SGCD: variants seen among roughly 807,000 people sequenced by gnomAD.
SGCD encodes sarcoglycan delta.
A neutral mutation model predicts 36.6 loss-of-function variants in SGCD; 18 were observed. That is an observed-to-expected ratio of 0.49 (90% CI 0.34 to 0.73). SGCD has a LOEUF of 0.73. Among genes scored for constraint, SGCD ranks in the 30% least tolerant of loss-of-function variants. The pLI, the probability that SGCD is intolerant of heterozygous loss-of-function variation, is 0.01. For missense variants in SGCD, 387 were observed against 346.7 expected, an observed-to-expected ratio of 1.12 and a Z score of -0.92; for synonymous variants, 133 against 130.6, an observed-to-expected ratio of 1.02 and a Z score of -0.12.
At chr5:156,206,259 T>C (rs1409188788) in intron 3 of SGCD, among the ~76,000 whole-genome samples, 9 of 151,928 alleles carry the variant, frequency 5.9e-5, no homozygotes. Context: ...GTTCAACCAG[T>C]CTTCTGTGGC....
intron 1 of SGCD, among the ~76,000 whole-genome samples, chr5:155,875,153 A>G (rs543886195): frequency 6.6e-6 from 1 of 152,222 alleles, no homozygotes; most frequent in Non-Finnish European, 1.5e-5. Context: ...ACCAGACAAA[A>G]AGTAAATACG....
rs72801154 is a variant in SGCD at position 156,588,637 on chromosome 5, A to G, written c.295-594A>G. ...GATACAGGCACAGACGGCCTAGAGG[A>G]AAAGGAATCTGGAGACAAGAAAAGG... On this transcript the variant is annotated intron_variant, in intron 4 of 8. Transcript: ENST00000337851. 9.7e-3 allele frequency among the ~76,000 whole-genome samples: 1,485 copies of G among 152,310 alleles called. 16 individuals are homozygous for G. The highest frequency in any genetic ancestry group is 0.017 in the Non-Finnish European group (1,167 of 68,030).
intron 3 of SGCD, among the ~76,000 whole-genome samples, chr5:156,418,236 A>G (rs1158133078): frequency 6.6e-6 from 1 of 152,208 alleles, no homozygotes; most frequent in Non-Finnish European, 1.5e-5. Context: ...GGAAGAGTTT[A>G]TGAGTTCCAA....
intron 2 of SGCD, among the ~76,000 whole-genome samples, chr5:156,342,805 T>A (rs1280703955): frequency 6.6e-6 from 1 of 152,224 alleles, no homozygotes; most frequent in Non-Finnish European, 1.5e-5. Context: ...AACCTTTACA[T>A]ACCCCCAGAC....
At chr5:156,211,118 A>G (rs1326228250) in intron 3 of SGCD, among the ~76,000 whole-genome samples, 2 of 152,174 alleles carry the variant, frequency 1.3e-5, no homozygotes, top group African/African-American at 4.8e-5. Flanking sequence ...TCTCAGCAGA[A>G]ATCTTACAGG....
intron 3 of SGCD, among the ~76,000 whole-genome samples, chr5:156,468,958 C>T (rs796620236): frequency 1.6e-4 from 25 of 152,292 alleles, no homozygotes; most frequent in African/African-American, 6.0e-4. Context: ...CGCCACTGCA[C>T]TCCAGCCTGG....
intron 1 of SGCD, among the ~76,000 whole-genome samples, chr5:155,893,145 G>A (rs925975133): frequency 5.9e-5 from 9 of 152,112 alleles, no homozygotes; most frequent in African/African-American, 7.2e-5. Flanking sequence ...CAAAGACACC[G>A]TAAATGTTTG....
At chr5:156,363,953 C>T (rs1186777052) in intron 3 of SGCD, among the ~76,000 whole-genome samples, 1 of 152,150 alleles carries the variant, frequency 6.6e-6, no homozygotes, top group Non-Finnish European at 1.5e-5. Flanking sequence ...ATGCCCAGGT[C>T]TGGACGAATA....
chr5:156,194,459 TA>T (rs1763972370), intron 3 of SGCD, among the ~76,000 whole-genome samples: 1 of 152,150 alleles, frequency 6.6e-6, no homozygotes, highest in Non-Finnish European at 1.5e-5. Context: ...CTACTTTTAT[TA>T]TTGTTGAGAA....
chr5:156,059,064 T>C (rs1266172673), intron 1 of SGCD, among the ~76,000 whole-genome samples: 1 of 145,644 alleles, frequency 6.9e-6, no homozygotes, highest in South Asian at 2.2e-4. Context: ...TTGTGCTTCC[T>C]CATAATTTTC....
At chr5:156,685,098 T>C (rs187047063) in intron 7 of SGCD, among the ~76,000 whole-genome samples, 2 of 152,264 alleles carry the variant, frequency 1.3e-5, no homozygotes, top group Admixed American at 1.3e-4. Flanking sequence ...GGGGTAGTTG[T>C]CATTCACCTT....
At chr5:156,030,023 A>G (rs1759311238) in intron 1 of SGCD, among the ~76,000 whole-genome samples, 1 of 152,220 alleles carries the variant, frequency 6.6e-6, no homozygotes, top group African/African-American at 2.4e-5. Context: ...CATGTCACAT[A>G]ATTTTGTGCT....
intron 3 of SGCD, among the ~76,000 whole-genome samples, chr5:156,232,659 G>A (rs977732980): frequency 2.0e-5 from 3 of 152,180 alleles, no homozygotes; most frequent in Non-Finnish European, 4.4e-5. Context: ...TTGACAGACC[G>A]TGAAATCTTA....
At chr5:156,404,467 G>A (rs1772310811) in intron 3 of SGCD, among the ~76,000 whole-genome samples, 1 of 152,148 alleles carries the variant, frequency 6.6e-6, no homozygotes, top group Admixed American at 6.5e-5. Flanking sequence ...TCCTAAGTCA[G>A]TGTTTCTCTT....
intron 3 of SGCD, among the ~76,000 whole-genome samples, chr5:156,194,425 G>A (rs1049336831): frequency 1.3e-5 from 2 of 151,872 alleles, no homozygotes; most frequent in Admixed American, 1.3e-4. Context: ...GTGTAAAAAG[G>A]TATATTTAAT....
intron 3 of SGCD, among the ~76,000 whole-genome samples, chr5:156,374,013 C>T (rs541701846): frequency 9.2e-5 from 14 of 151,962 alleles, no homozygotes; most frequent in Admixed American, 5.9e-4. Flanking sequence ...GTTGAAGGGG[C>T]GGGAGTGGAG....
At chr5:156,481,878 G>A (rs895506045) in intron 3 of SGCD, among the ~76,000 whole-genome samples, 2 of 152,138 alleles carry the variant, frequency 1.3e-5, no homozygotes, top group African/African-American at 2.4e-5. Flanking sequence ...CTTTGAAGAG[G>A]TGCCAGCTTC....
intron 1 of SGCD, among the ~76,000 whole-genome samples, chr5:156,032,676 C>A (rs921157649): frequency 4.8e-5 from 6 of 125,850 alleles, no homozygotes; most frequent in African/African-American, 1.9e-4. Context: ...CACTGCACTC[C>A]AGCCTGGGCG....
the SGCD span, among the ~76,000 whole-genome samples, chr5:155,731,908 A>G: frequency 1.3e-5 from 2 of 152,050 alleles, no homozygotes; most frequent in East Asian, 3.9e-4. Flanking sequence ...ACCCTTCTCT[A>G]ATTTGTTTCT....
Sources: gnomAD v4.1 joint callset for allele counts (sites outside exome capture counted in the v4.1 genomes callset) on GRCh38, gnomAD v4.1.1 for gene constraint, MANE v1.5 for transcripts, NCBI Gene and HGNC (gene_info 2026-07-23, HGNC 2026-07-21) for gene names.